Variants in CDC42BPA observed in about 807,000 individuals in gnomAD.
CDC42BPA encodes the protein CDC42 binding protein kinase alpha.
A neutral mutation model predicts 223.5 loss-of-function variants in CDC42BPA; 80 were observed. The ratio of observed to expected loss-of-function variants is 0.36; its 90% CI spans 0.30 to 0.43. The LOEUF is 0.43. CDC42BPA is among the 20% of genes least tolerant of loss of function. The probability of loss-of-function intolerance (pLI) is 1.00; values close to 1 mark genes in which losing one functional copy is unlikely to be tolerated. For synonymous variants in CDC42BPA, 694 were observed against 718.6 expected (o/e 0.97, Z 0.55); for missense variants, 1,743 against 2,099.9 (o/e 0.83, Z 3.32).
In CDC42BPA at chr1:227,318,047, G is replaced by T; in HGVS notation, c.-865C>A. ...TGGCCGCCCGAGCCCACTCCATGTC[G>T]GTGGTCGCTCGTGGGCCGAGCCGCG... On this transcript the variant is annotated 5_prime_UTR_variant, in exon 1 of 37. Transcript: ENST00000366766. 1 of 326,990 alleles carries T rather than the reference G, an allele frequency of 3.1e-6. No individual in the cohort carries two copies. The highest frequency in any genetic ancestry group is 5.5e-6 in the Non-Finnish European group (1 of 181,124). 20.3% of individuals were successfully genotyped at this position (326,990 alleles called of 1,614,324 possible).
At chr1:227,239,166 A>T (rs1414352128) in intron 2 of CDC42BPA, among the ~76,000 whole-genome samples, 1 of 152,218 alleles carries the variant, frequency 6.6e-6, no homozygotes, top group East Asian at 1.9e-4. Context: ...AGAAAAGCCA[A>T]TCTGAACAGG....
chr1:227,005,252 T>C (rs1224813344), intron 34 of CDC42BPA, 141 bp from the exon 35 acceptor site: 6 of 646,898 alleles, frequency 9.3e-6, no homozygotes, highest in Non-Finnish European at 1.6e-5. Flanking sequence ...GCAGATTATA[T>C]AGTCTTTCCC....
chr1:227,215,836 C>T (rs2718194), intron 2 of CDC42BPA, among the ~76,000 whole-genome samples: 46,191 of 151,942 alleles, frequency 0.3, 7,201 homozygotes, highest in East Asian at 0.37. Flanking sequence ...CAAATATATT[C>T]ACATAGAAAT....
chr1:227,290,341 C>T lies in CDC42BPA; in HGVS notation c.178+26664G>A, dbSNP rs571260803. On this transcript the variant is annotated intron_variant, in intron 1 of 36. Coordinates refer to ENST00000366766, the MANE Select transcript of CDC42BPA (RefSeq NM_001394014.1). ...CAAAGTAATCTCTCTCTACTGCCCC[C>T]TTTATTACATTTAATTCTGTTTAAT... 3.3e-5 allele frequency among the ~76,000 whole-genome samples: 5 copies of T among 152,270 alleles called. No homozygotes were observed. In the South Asian group the frequency reaches 8.3e-4, roughly 25 times the overall value.
At chr1:227,078,215 A>T (rs1399213075) in intron 17 of CDC42BPA, among the ~76,000 whole-genome samples, 1 of 152,158 alleles carries the variant, frequency 6.6e-6, no homozygotes, top group Non-Finnish European at 1.5e-5. Context: ...TTAACTGATT[A>T]TTCCCACCCT....
chr1:227,204,043 T>C (rs759259634), intron 3 of CDC42BPA, among the ~76,000 whole-genome samples: 60 of 152,190 alleles, frequency 3.9e-4, no homozygotes, highest in Non-Finnish European at 8.1e-4. Flanking sequence ...TATCATTTAG[T>C]AGGAATAAAG....
At chr1:227,226,139 C>A (rs1350025540) in intron 2 of CDC42BPA, among the ~76,000 whole-genome samples, 1 of 152,172 alleles carries the variant, frequency 6.6e-6, no homozygotes, top group African/African-American at 2.4e-5. Context: ...TTGCAATTGG[C>A]CTGGATGCCC....
At chr1:227,246,353 C>G (rs2670460) in intron 2 of CDC42BPA, among the ~76,000 whole-genome samples, 47,319 of 152,050 alleles carry the variant, frequency 0.31, 7,546 homozygotes, top group East Asian at 0.39. Flanking sequence ...TACCAGACAG[C>G]ATCTCTGGAC....
chr1:227,032,419 G>C (rs1669448126), intron 27 of CDC42BPA, among the ~76,000 whole-genome samples: 1 of 152,032 alleles, frequency 6.6e-6, no homozygotes, highest in African/African-American at 2.4e-5. Context: ...TAGGGAGATA[G>C]GCATAACAAT....
rs141159688 is a variant in CDC42BPA at position 227,253,892 on chromosome 1, A to T, written c.270+172T>A. On this transcript the variant is annotated intron_variant, in intron 2 of 36. Transcript: ENST00000366766. ...GTAGAAATATTTCATTCAACACTTT[A>T]TTTTCTGAGCTATTATATCAATCAC... Among the ~76,000 whole-genome samples the T allele has an allele frequency of 4.7e-3, 713 of 152,278 alleles. 17 individuals carry two copies. Among genetic ancestry groups the T allele is most frequent in the Admixed American group, 0.037 (570 of 15,290 alleles).
At chr1:227,060,717 CTTTTTTTTT>C (rs59728048) in intron 21 of CDC42BPA, among the ~76,000 whole-genome samples, 5 of 95,452 alleles carry the variant, frequency 5.2e-5, no homozygotes, top group Non-Finnish European at 9.8e-5. Context: ...TAAATAGGTA[CTTTTTTTTT>C]TTTTTTTTTT....
intron 23 of CDC42BPA, among the ~76,000 whole-genome samples, chr1:227,043,561 CA>C: frequency 6.6e-6 from 1 of 151,788 alleles, no homozygotes; most frequent in East Asian, 1.9e-4. Flanking sequence ...ATATTAGGTG[CA>C]ACAAACTAAG....
At chr1:227,019,674 G>A (rs1193528831) in intron 32 of CDC42BPA, among the ~76,000 whole-genome samples, 2 of 130,264 alleles carry the variant, frequency 1.5e-5, no homozygotes, top group East Asian at 2.0e-4. Context: ...TGTGTTAGCA[G>A]ACGTGAAAAT....
chr1:227,230,820 C>CTTTTTTT (rs1198828997), intron 2 of CDC42BPA, among the ~76,000 whole-genome samples: 7 of 91,594 alleles, frequency 7.6e-5, no homozygotes, highest in South Asian at 3.4e-4. Flanking sequence ...TTCTTTCTTT[C>CTTTTTTT]TTTTTTTTTT....
intron 24 of CDC42BPA, 25 bp downstream of exon 24, chr1:227,040,106 C>A: frequency 7.6e-7 from 1 of 1,317,774 alleles, no homozygotes; most frequent in Non-Finnish European, 1.1e-6. Flanking sequence ...AGTGAAGTCA[C>A]ATTTTCTTTC....
chr1:227,253,631 CATACATACATACATACATTCATACATAA>C (rs1453450533), intron 2 of CDC42BPA, among the ~76,000 whole-genome samples: 8 of 150,768 alleles, frequency 5.3e-5, no homozygotes, highest in African/African-American at 1.7e-4. Context: ...TACATACATA[CATACATACATACATACATTCATACATAA>C]AATAAAATAC....
intron 16 of CDC42BPA, among the ~76,000 whole-genome samples, chr1:227,085,305 G>A (rs1344675463): frequency 6.6e-6 from 1 of 152,178 alleles, no homozygotes; most frequent in Non-Finnish European, 1.5e-5. Flanking sequence ...TAAAGAACCA[G>A]ATGCAAGTAT....
intron 5 of CDC42BPA, among the ~76,000 whole-genome samples, chr1:227,167,184 T>A (rs565618666): frequency 6.6e-6 from 1 of 152,288 alleles, no homozygotes; most frequent in African/African-American, 2.4e-5. Context: ...ATAATGAAGG[T>A]CATAAGTATA....
intron 14 of CDC42BPA, among the ~76,000 whole-genome samples, chr1:227,111,255 GA>G (rs1391200230): frequency 6.6e-6 from 1 of 151,972 alleles, no homozygotes; most frequent in South Asian, 2.1e-4. Flanking sequence ...AAACAGGATG[GA>G]AAAAGTTTCC....
Sources: allele counts gnomAD v4.1 joint callset (sites outside exome capture counted in the v4.1 genomes callset), GRCh38; gene constraint gnomAD v4.1.1; transcripts MANE v1.5; gene names NCBI Gene and HGNC (gene_info 2026-07-23, HGNC 2026-07-21).